CD163: variants seen among roughly 807,000 people sequenced by gnomAD.
CD163 encodes scavenger receptor cysteine-rich type 1 protein M130.
CD163 carries 64 observed loss-of-function variants against 129.2 expected under a neutral mutation model. The ratio of observed to expected loss-of-function variants is 0.50; its 90% confidence interval spans 0.41 to 0.61. The LOEUF (loss-of-function observed/expected upper bound fraction) is 0.61. Among genes scored for constraint, CD163 ranks in the 20% least tolerant of loss-of-function variants. The pLI is 0.00. For missense variants in CD163, 1,061 were observed against 1,377.9 expected, an observed-to-expected ratio of 0.77 and a Z score of 3.64; for synonymous variants, 446 against 478.5, an observed-to-expected ratio of 0.93 and a Z score of 0.89.
In CD163 at chr12:7,489,337, G is replaced by A. The variant is rs79058396; in HGVS notation, c.1421-1250C>T. On this transcript the variant is annotated intron_variant, in intron 6 of 16. Coordinates refer to ENST00000432237, the MANE Select transcript of CD163 (RefSeq NM_203416.4). ...TCGTAAATTGTTTCCTTGCTTCAAA[G>A]TCTTTTTTCCAAGAAATTTATGCCA... Among the ~76,000 whole-genome samples the A allele has an allele frequency of 3.7e-3, 567 of 152,146 alleles. 25 individuals are homozygous for A. In the East Asian group the frequency reaches 0.091, roughly 24 times the overall value.
Position 7,482,886 on chromosome 12 carries a change from G to T in CD163, c.3127+80C>A, listed in dbSNP as rs371222593. 43 of 1,583,924 alleles carry T rather than the reference G, an allele frequency of 2.7e-5. No homozygotes were observed. In the African/African-American group the frequency reaches 3.7e-4, roughly 13 times the overall value. On this transcript the variant is annotated intron_variant, in intron 13 of 16. Transcript: ENST00000432237. ...GAGGTAAATATCAAATCCTCAGAAC[G>T]TCTGACCTAAAATTTCTAAACAAGA...
At chr12:7,500,194 G>A (rs1012998163) in intron 3 of CD163, among the ~76,000 whole-genome samples, 1 of 151,904 alleles carries the variant, frequency 6.6e-6, no homozygotes, top group Non-Finnish European at 1.5e-5. Flanking sequence ...GCCGAGGCAG[G>A]TGGATCACCT....
intron 12 of CD163, 53 bp downstream of exon 12, chr12:7,483,314 A>G: frequency 6.5e-7 from 1 of 1,541,912 alleles, no homozygotes; most frequent in African/African-American, 1.4e-5. Flanking sequence ...TCACTGCCCA[A>G]CCCCTCTTTG....
chr12:7,482,504 C>T (rs112753125), intron 14 of CD163, 139 bp downstream of exon 14: 7 of 910,900 alleles, frequency 7.7e-6, no homozygotes, highest in African/African-American at 5.0e-5. Flanking sequence ...GTGCCTGGCC[C>T]TTCCCTCTGT....
At chr12:7,489,425 T>G (rs891443167) in intron 6 of CD163, among the ~76,000 whole-genome samples, 1 of 152,132 alleles carries the variant, frequency 6.6e-6, no homozygotes, top group African/African-American at 2.4e-5. Context: ...TTAGATGACT[T>G]AACGTTTCCT....
chr12:7,502,805 G>T lies in CD163; in HGVS notation c.47-241C>A, dbSNP rs1949512837. ...GTGACGGATTAGCAGAAGGTTGGTGGTGGAAACGAGAATTGCAAGGTCAAC... is the reference window on the plus strand; with the variant it reads ...GTGACGGATTAGCAGAAGGTTGGTGTTGGAAACGAGAATTGCAAGGTCAAC... On this transcript the variant is annotated intron_variant, in intron 1 of 16. Transcript: ENST00000432237. 8 of 563,880 alleles carry T rather than the reference G, an allele frequency of 1.4e-5. No individual in the cohort carries two copies. The South Asian group carries it at 1.7e-4, about 12-fold the overall frequency. The allele number at this position is 563,880 out of a possible 1,614,324, so 34.9% of individuals were successfully genotyped here. A position where few individuals can be genotyped will look rare whatever the true frequency, so the allele number is the denominator to read the frequency against.
Position 7,487,001 on chromosome 12 carries a change from G to A in CD163, c.2051-15C>T. The A allele has an allele frequency of 6.2e-7, 1 of 1,603,048 alleles. No individual in the cohort carries two copies. Among genetic ancestry groups the A allele is most frequent in the South Asian group, 1.1e-5 (1 of 90,670 alleles). ...GGACTGGTTTCCTGCAAACACCAAG[G>A]TACTCAGTCATACAAGACACAAAAG... is the stretch of plus-strand genomic sequence containing the variant. On this transcript the variant is annotated splice_polypyrimidine_tract_variant and intron_variant, in intron 8 of 16. Coordinates refer to ENST00000432237, the MANE Select transcript of CD163 (RefSeq NM_203416.4). This position sits in a 1 kb window ranked among gnomAD's most constrained non-coding sequence, Gnocchi z 5.1.
chr12:7,497,082 C>G lies in CD163; in HGVS notation c.830G>C (p.Gly277Ala). 1 of 1,614,110 alleles carries G rather than the reference C, an allele frequency of 6.2e-7. No homozygotes were observed. Among genetic ancestry groups the G allele is most frequent in the Non-Finnish European group, 8.5e-7 (1 of 1,179,988 alleles). ...TCCTTGGAATCTCACTTCTAATCTT[C>G]CTGAACATTCAGTGACTCCATCTAC... is the stretch of plus-strand genomic sequence containing the variant. ...RLVDGVTECSGRLEVRFQGEW... is the reference protein window; with the variant it reads ...RLVDGVTECSARLEVRFQGEW... The change falls in exon 5 of 17, where the codon GGA becomes GCA. Residue 277 changes from glycine to alanine, a missense_variant. By Grantham distance (60) the Gly-to-Ala change is moderately conservative (BLOSUM62 0). Coordinates refer to ENST00000432237, the MANE Select transcript of CD163 (RefSeq NM_203416.4).
intron 16 of CD163, among the ~76,000 whole-genome samples, chr12:7,472,286 T>G (rs1466504523): frequency 6.6e-6 from 1 of 152,144 alleles, no homozygotes; most frequent in Non-Finnish European, 1.5e-5. Flanking sequence ...AGGAGAGACC[T>G]CCAAGCAGGG....
chr12:7,496,993 G>GTTGC lies in CD163; in HGVS notation c.915_918dup (p.Leu307AlafsTer15). 6.2e-7 allele frequency: 1 copy of GTTGC among 1,614,052 alleles called. No homozygotes were observed. The highest frequency in any genetic ancestry group is 8.5e-7 in the Non-Finnish European group (1 of 1,179,998). ...GCTGTGACGGCAGTTGGACATCCCA[G>GTTGC]TTGCTTGCATGCCACAGCAGCATCG... On this transcript the variant is annotated frameshift_variant, in exon 5 of 17. Coordinates refer to ENST00000432237, the MANE Select transcript of CD163 (RefSeq NM_203416.4). LOFTEE classifies it high-confidence loss of function. The surrounding 1 kb of genome is among the most constrained non-coding windows in gnomAD (Gnocchi z 4.8).
chr12:7,498,910 G>A lies in CD163; in HGVS notation c.736C>T (p.His246Tyr), dbSNP rs778472126. The A allele has an allele frequency of 6.2e-7, 1 of 1,614,086 alleles. No individual in the cohort carries two copies. The highest frequency in any genetic ancestry group is 1.1e-5 in the South Asian group (1 of 91,076). The change falls in exon 4 of 17, where the codon CAT becomes TAT. Residue 246 changes from histidine to tyrosine, a missense_variant. Physicochemically the swap from His to Tyr is moderately conservative, Grantham distance 83. Transcript: ENST00000432237. The part of the protein sequence containing the change: ...WNCKHQGWGK[H>Y]NCDHAEDAGV... ...GCATCCTCAGCATGATCACAGTTAT[G>A]CTTTCCCCATCCTTGATGTTTGCAG...
chr12:7,476,377 A>G (rs936705772), intron 16 of CD163, among the ~76,000 whole-genome samples: 21 of 152,196 alleles, frequency 1.4e-4, no homozygotes, highest in African/African-American at 5.1e-4. Context: ...TGGTACTGGT[A>G]CCAAAACAGA....
In CD163 at chr12:7,487,591, G is replaced by A; in HGVS notation, c.1818C>T (p.Ser606=). 3 of 1,614,050 alleles carry A rather than the reference G, an allele frequency of 1.9e-6. No individual in the cohort carries two copies. The highest frequency in any genetic ancestry group is 4.5e-5 in the East Asian group (2 of 44,878). The part of the protein sequence containing the change: ...VELKTLGAWG[S]LCNSHWDIED... The stretch of plus-strand genomic sequence containing the variant: ...CTATGTCCCAGTGAGAGTTACAGAG[G>A]GATCCCCAGGCACCAAGCGTTTTGA... Residue 606 remains serine, a synonymous_variant, in exon 8 of 17, where the codon TCC becomes TCT. Transcript: ENST00000432237. The surrounding 1 kb of genome is among the most constrained non-coding windows in gnomAD (Gnocchi z 5.1).
At position 7,497,081 on chromosome 12, in the gene CD163, T is replaced by C. The variant is rs767481689; in HGVS notation, c.831A>G (p.Gly277=). The C allele has an allele frequency of 6.2e-7, 1 of 1,614,094 alleles. No individual in the cohort carries two copies. The highest frequency in any genetic ancestry group is 8.5e-7 in the Non-Finnish European group (1 of 1,179,990). ...RLVDGVTECS[G]RLEVRFQGEW... ...CTCCTTGGAATCTCACTTCTAATCT[T>C]CCTGAACATTCAGTGACTCCATCTA... The change falls in exon 5 of 17, where the codon GGA becomes GGG. Residue 277 remains glycine, a synonymous_variant. Coordinates refer to ENST00000432237, the MANE Select transcript of CD163 (RefSeq NM_203416.4).
chr12:7,496,900 G>A lies in CD163; in HGVS notation c.1012C>T (p.His338Tyr), dbSNP rs1248914303. 2 of 1,613,914 alleles carry A rather than the reference G, an allele frequency of 1.2e-6. No homozygotes were observed. The highest frequency in any genetic ancestry group is 2.2e-5 in the South Asian group (2 of 91,086). Residue 338 changes from histidine (H) to tyrosine (Y), a missense_variant, in exon 5 of 17, where the codon CAT becomes TAT. By Grantham distance (83) the His-to-Tyr change is moderately conservative. Coordinates refer to ENST00000432237, the MANE Select transcript of CD163 (RefSeq NM_203416.4). The surrounding 1 kb of genome is among the most constrained non-coding windows in gnomAD (Gnocchi z 4.8). ...TTACATTGCCAGATAGCAGGTTCAT[G>A]TCCCTGGCAAGAAACGCTGTCAAGC... ...IWLDSVSCQG[H>Y]EPAIWQCKHH...
intron 6 of CD163, among the ~76,000 whole-genome samples, chr12:7,490,104 A>T (rs1412413828): frequency 6.6e-6 from 1 of 152,010 alleles, no homozygotes; most frequent in African/African-American, 2.4e-5. Context: ...ATAGTGATGA[A>T]CCCAAAAATA....
In CD163 at chr12:7,497,015, A is replaced by G; in HGVS notation, c.897T>C (p.Asp299=). The G allele has an allele frequency of 6.2e-7, 1 of 1,614,094 alleles. No homozygotes were observed. Among genetic ancestry groups the G allele is most frequent in the Non-Finnish European group, 8.5e-7 (1 of 1,179,996 alleles). Residue 299 remains aspartate, a synonymous_variant, in exon 5 of 17, where the codon GAT becomes GAC. Coordinates refer to ENST00000432237, the MANE Select transcript of CD163 (RefSeq NM_203416.4). ...CCAGTTGCTTGCATGCCACAGCAGC[A>G]TCGTAACTGTCCCAGCCGTCATCAC... is the stretch of plus-strand genomic sequence containing the variant. ...TICDDGWDSY[D]AAVACKQLGC... is the part of the protein sequence containing the mutation.
chr12:7,502,745 T>C (rs1401555660), intron 1 of CD163, 181 bp from the exon 2 acceptor site: 8 of 635,030 alleles, frequency 1.3e-5, no homozygotes, highest in Middle Eastern at 2.5e-4. Context: ...AGTGAAATGG[T>C]TTTGAAAATG....
chr12:7,486,969 G>A lies in CD163; in HGVS notation c.2068C>T (p.Leu690=). Residue 690 remains leucine (L), a synonymous_variant, in exon 9 of 17, where the codon CTG becomes TTG. Coordinates refer to ENST00000432237, the MANE Select transcript of CD163 (RefSeq NM_203416.4). The part of the protein sequence containing the change: ...VICSGNQSQT[L]SSCNSSSLGP... ...AAAGACGATGAATTGCACGAGGACA[G>A]TGTTTGGGACTGGTTTCCTGCAAAC... 6.2e-7 allele frequency: 1 copy of A among 1,614,090 alleles called. No homozygotes were observed. Among genetic ancestry groups the A allele is most frequent in the East Asian group, 2.2e-5 (1 of 44,874 alleles).
Sources: allele counts gnomAD v4.1 joint callset (sites outside exome capture counted in the v4.1 genomes callset), GRCh38; gene constraint gnomAD v4.1.1; non-coding constraint Gnocchi (gnomAD v3.1); transcripts MANE v1.5; gene names NCBI Gene and HGNC (gene_info 2026-07-23, HGNC 2026-07-21).